The following SNRNP200 variants were observed in gnomAD, a reference collection of about 807,000 sequenced individuals.
SNRNP200 encodes the protein U5 small nuclear ribonucleoprotein 200 kDa helicase.
A neutral mutation model predicts 255.2 loss-of-function variants in SNRNP200; 66 were observed. That is an observed-to-expected ratio of 0.26 (90% CI 0.21 to 0.32). The LOEUF (loss-of-function observed/expected upper bound fraction) is 0.32. SNRNP200 is among the 10% of genes least tolerant of loss of function. SNRNP200 has a pLI of 1.00. For synonymous variants in SNRNP200, 939 were observed against 1,027.8 expected (o/e 0.91, Z 1.65); for missense variants, 1,585 against 2,749.8 (o/e 0.58, Z 9.47).
At chr2:96,281,287 T>C (rs2104336523) in intron 35 of SNRNP200, 1 of 168,066 alleles carries the variant, frequency 6.0e-6, no homozygotes, top group Non-Finnish European at 1.3e-5. Flanking sequence ...CTGCCTCAGC[T>C]TCCCAAGTAG....
rs1050912013 is a variant in SNRNP200, at chr2:96,288,810, C to G, written c.3175-64G>C. On this transcript the variant is annotated intron_variant, in intron 23 of 44. Coordinates refer to ENST00000323853, the MANE Select transcript of SNRNP200 (RefSeq NM_014014.5). Reference sequence around the variant, plus strand: ...CTGAACAGTCCAAGAAAGGGAATTACATTTCTGCTCTGAGCATCCAGGCCA... The same window carrying G: ...CTGAACAGTCCAAGAAAGGGAATTAGATTTCTGCTCTGAGCATCCAGGCCA... 9.3e-6 allele frequency: 13 copies of G among 1,402,838 alleles called. No individual in the cohort carries two copies. The Middle Eastern group carries it at 5.2e-4, about 57-fold the overall frequency. The allele number at this position is 1,402,838 out of a possible 1,614,324, so 86.9% of individuals were successfully genotyped here.
intron 14 of SNRNP200, among the ~76,000 whole-genome samples, chr2:96,295,046 T>C (rs1377176241): frequency 1.3e-5 from 2 of 151,966 alleles, no homozygotes; most frequent in African/African-American, 4.8e-5. Flanking sequence ...CAGTCTCTAC[T>C]AAAAATATAA....
At position 96,286,116 on chromosome 2, in the gene SNRNP200, C is replaced by G. The variant is rs138108446; in HGVS notation, c.4003+195G>C. The stretch of plus-strand genomic sequence containing the variant: ...AAGGCCTTGCTCTATTGCCCCTCCA[C>G]AGTGACACATGCAGAGCAGCAAAGC... On this transcript the variant is annotated intron_variant, in intron 29 of 44. Transcript: ENST00000323853. This position sits in a 1 kb window ranked among gnomAD's most constrained non-coding sequence, Gnocchi z 4.8. Among the ~76,000 whole-genome samples, 68 of 152,334 alleles carry G rather than the reference C, an allele frequency of 4.5e-4. No homozygotes were observed. Among genetic ancestry groups the G allele is most frequent in the Non-Finnish European group, 7.1e-4 (48 of 68,032 alleles).
chr2:96,285,275 T>C lies in SNRNP200; in HGVS notation c.4069A>G (p.Thr1357Ala), dbSNP rs780669466. 1 of 1,614,118 alleles carries C rather than the reference T, an allele frequency of 6.2e-7. No homozygotes were observed. The highest frequency in any genetic ancestry group is 8.5e-7 in the Non-Finnish European group (1 of 1,180,030). Reference protein sequence around the residue: ...FVGAPTGSGKTICAEFAILRM... With the variant: ...FVGAPTGSGKAICAEFAILRM... The stretch of plus-strand genomic sequence containing the variant: ...AGGATGGCAAACTCTGCACAAATAG[T>C]CTTCCCGCTGCCCGTGGGGGCCCCC... The change falls in exon 30 of 45, where the codon ACT becomes GCT. Residue 1357 changes from threonine to alanine, a missense_variant. Transcript: ENST00000323853.
Position 96,304,686 on chromosome 2 carries a change from G to C in SNRNP200, c.209+19C>G. 1.9e-6 allele frequency: 3 copies of C among 1,613,948 alleles called. No individual in the cohort carries two copies. The highest frequency in any genetic ancestry group is 2.5e-6 in the Non-Finnish European group (3 of 1,179,820). On this transcript the variant is annotated intron_variant, in intron 2 of 44. Coordinates refer to ENST00000323853, the MANE Select transcript of SNRNP200 (RefSeq NM_014014.5). ...GACTTTGGATCTGAAGGAAAAAATA[G>C]TATCCCCTTGGCACTCACTTGGCTC...
At position 96,284,013 on chromosome 2, in the gene SNRNP200, A is replaced by C. The variant is rs1414852773; in HGVS notation, c.4393-9T>G. On this transcript the variant is annotated splice_polypyrimidine_tract_variant and intron_variant, in intron 31 of 44. Transcript: ENST00000323853. The stretch of plus-strand genomic sequence containing the variant: ...ATCACTTCTAAGACAGGCTGGAAAG[A>C]GGGAGGGAGGGAGGGTCACTGCAGG... 3.6e-6 allele frequency: 2 copies of C among 555,394 alleles called. No individual in the cohort carries two copies. Among genetic ancestry groups the C allele is most frequent in the South Asian group, 1.5e-5 (1 of 66,482 alleles). The allele number at this position is 555,394 out of a possible 1,614,324, so 34.4% of individuals were successfully genotyped here. A position where few individuals can be genotyped will look rare whatever the true frequency, so the allele number is the denominator to read the frequency against.
At chr2:96,288,790 C>T (rs766669015) in intron 23 of SNRNP200, 44 bp from the exon 24 acceptor site, 14 of 1,522,850 alleles carry the variant, frequency 9.2e-6, no homozygotes, top group East Asian at 9.0e-5. Flanking sequence ...AATCACTGAA[C>T]AGTCCAAGAA....
intron 3 of SNRNP200, among the ~76,000 whole-genome samples, chr2:96,302,735 T>C (rs7425813): frequency 1.3e-5 from 2 of 152,210 alleles, no homozygotes; most frequent in Admixed American, 1.3e-4. Context: ...AATCCCCTTT[T>C]GGGGTTCAAC....
At chr2:96,303,832 G>A (rs986525456) in intron 2 of SNRNP200, among the ~76,000 whole-genome samples, 5 of 150,748 alleles carry the variant, frequency 3.3e-5, no homozygotes, top group African/African-American at 4.9e-5. Context: ...GGAGGTTGCC[G>A]TGAGAGAGAT....
Position 96,288,743 on chromosome 2 carries a change from T to C in SNRNP200, c.3178A>G (p.Asn1060Asp). Reference sequence around the variant, plus strand: ...GAGATGAAGGCTTGCAGAAGAACGTTGATCTGTAAAGAAGCAAAATCAGCC... The same window carrying C: ...GAGATGAAGGCTTGCAGAAGAACGTCGATCTGTAAAGAAGCAAAATCAGCC... Reference protein sequence around the residue: ...ESIEEPSAKINVLLQAFISQL... With the variant: ...ESIEEPSAKIDVLLQAFISQL... Residue 1060 changes from asparagine (N) to aspartate (D), a missense_variant, in exon 24 of 45, where the codon AAC becomes GAC. Physicochemically the swap from Asn to Asp is conservative, Grantham distance 23. Around this residue, in one of 9 missense-constraint regions of SNRNP200, gnomAD observed 719 missense variants for 1,091.1 expected, o/e 0.66. Coordinates refer to ENST00000323853, the MANE Select transcript of SNRNP200 (RefSeq NM_014014.5). The C allele has an allele frequency of 6.2e-7, 1 of 1,614,056 alleles. No individual in the cohort carries two copies. Among genetic ancestry groups the C allele is most frequent in the Non-Finnish European group, 8.5e-7 (1 of 1,179,980 alleles).
chr2:96,291,695 T>C lies in SNRNP200; in HGVS notation c.2310+56A>G. 6.3e-7 allele frequency: 1 copy of C among 1,599,046 alleles called. No homozygotes were observed. Among genetic ancestry groups the C allele is most frequent in the Non-Finnish European group, 8.6e-7 (1 of 1,167,758 alleles). On this transcript the variant is annotated intron_variant, in intron 17 of 44. Coordinates refer to ENST00000323853, the MANE Select transcript of SNRNP200 (RefSeq NM_014014.5). This position sits in a 1 kb window ranked among gnomAD's most constrained non-coding sequence, Gnocchi z 4.2. ...AGTCCTAGAGGAGCTGTCTGGGGCC[T>C]GAGATGGACACAGCTGCCAGGTAGG... is the stretch of plus-strand genomic sequence containing the variant.
Position 96,286,517 on chromosome 2 carries a change from C to T in SNRNP200, c.3830-33G>A, listed in dbSNP as rs1309322119. 1 of 1,612,542 alleles carries T rather than the reference C, an allele frequency of 6.2e-7. No homozygotes were observed. Among genetic ancestry groups the T allele is most frequent in the African/African-American group, 1.3e-5 (1 of 74,886 alleles). ...AAAAGAAACAGGAAGGATATAAGCA[C>T]TGCTCTCTTTCCCTCACTGGCCTCT... On this transcript the variant is annotated intron_variant, in intron 28 of 44. Transcript: ENST00000323853. This position sits in a 1 kb window ranked among gnomAD's most constrained non-coding sequence, Gnocchi z 4.8.
chr2:96,284,211 A>T (rs1350966525), intron 31 of SNRNP200, 147 bp downstream of exon 31: 1 of 890,646 alleles, frequency 1.1e-6, no homozygotes. Flanking sequence ...CAAAAAAGTT[A>T]ACATTGTCCC....
Position 96,291,271 on chromosome 2 carries a change from G to C in SNRNP200, c.2421+121C>G. The C allele has an allele frequency of 1.3e-6, 1 of 775,310 alleles. No individual in the cohort carries two copies. 48.0% of individuals were successfully genotyped at this position (775,310 alleles called of 1,614,324 possible). A position where few individuals can be genotyped will look rare whatever the true frequency, so the allele number is the denominator to read the frequency against. ...TTTATTGTGTCCACCACAACCCTCTGACCTGGGCTAGCTGGGCCAGAAGCA... is the reference window on the plus strand; with the variant it reads ...TTTATTGTGTCCACCACAACCCTCTCACCTGGGCTAGCTGGGCCAGAAGCA... On this transcript the variant is annotated intron_variant, in intron 18 of 44. Coordinates refer to ENST00000323853, the MANE Select transcript of SNRNP200 (RefSeq NM_014014.5). The surrounding 1 kb of genome is among the most constrained non-coding windows in gnomAD (Gnocchi z 4.2).
chr2:96,285,140 G>C lies in SNRNP200; in HGVS notation c.4164+40C>G, dbSNP rs778495021. On this transcript the variant is annotated intron_variant, in intron 30 of 44. Transcript: ENST00000323853. Reference sequence around the variant, plus strand: ...CTTCATACGGAATCACAGATGAAATGCTTCTTGGGAAATTCACATGACACA... The same window carrying C: ...CTTCATACGGAATCACAGATGAAATCCTTCTTGGGAAATTCACATGACACA... 12 of 1,609,194 alleles carry C rather than the reference G, an allele frequency of 7.5e-6. No individual in the cohort carries two copies. In the Admixed American group the frequency reaches 1.8e-4, roughly 25 times the overall value.
intron 14 of SNRNP200, among the ~76,000 whole-genome samples, chr2:96,294,900 T>C (rs1231954045): frequency 1.3e-5 from 2 of 152,058 alleles, no homozygotes; most frequent in Non-Finnish European, 2.9e-5. Flanking sequence ...ATTTCAGACA[T>C]AAAAAAATAT....
chr2:96,301,005 T>C lies in SNRNP200; in HGVS notation c.623A>G (p.Asp208Gly). 1 of 1,613,734 alleles carries C rather than the reference T, an allele frequency of 6.2e-7. No individual in the cohort carries two copies. The change falls in exon 5 of 45, where the codon GAT becomes GGT. Residue 208 changes from aspartate (D) to glycine (G), a missense_variant. By Grantham distance (94) the Asp-to-Gly change is moderately conservative. Coordinates refer to ENST00000323853, the MANE Select transcript of SNRNP200 (RefSeq NM_014014.5). The stretch of plus-strand genomic sequence containing the variant: ...GGTATGTTTATCACTCACCTCCTCA[T>C]CAGACTCAAACTGCACATTCACACC... ...TYGVNVQFESDEEEGDEDVYG... is the reference protein window; with the variant it reads ...TYGVNVQFESGEEEGDEDVYG...
chr2:96,291,908 G>C lies in SNRNP200; in HGVS notation c.2161-8C>G. ...GTGGACAAACACCAGCACCTAAGGAGAAGCCACAGTTTGCTACAGTCACGA... is the reference window on the plus strand; with the variant it reads ...GTGGACAAACACCAGCACCTAAGGACAAGCCACAGTTTGCTACAGTCACGA... On this transcript the variant is annotated splice_region_variant and splice_polypyrimidine_tract_variant and intron_variant, in intron 16 of 44. Transcript: ENST00000323853. This position sits in a 1 kb window ranked among gnomAD's most constrained non-coding sequence, Gnocchi z 4.2. The C allele has an allele frequency of 1.2e-6, 2 of 1,613,780 alleles. No individual in the cohort carries two copies. The highest frequency in any genetic ancestry group is 1.7e-6 in the Non-Finnish European group (2 of 1,180,032).
rs139172908 is a variant in SNRNP200, at chr2:96,304,863, C to A, written c.51G>T (p.Ser17=). 37 of 1,614,042 alleles carry A rather than the reference C, an allele frequency of 2.3e-5. No individual in the cohort carries two copies. The African/African-American group carries it at 3.7e-4, about 16-fold the overall frequency. Residue 17 remains serine, a synonymous_variant, in exon 2 of 45, where the codon TCG becomes TCT. Coordinates refer to ENST00000323853, the MANE Select transcript of SNRNP200 (RefSeq NM_014014.5). ...AACGGTCAGCTTGGAGCACAAGATT[C>A]GAGTTCTGAAAAGATCAAAACATTA... ...RSLQYEYKAN[S]NLVLQADRSL...
Sources: gnomAD v4.1 joint callset for allele counts (sites outside exome capture counted in the v4.1 genomes callset) on GRCh38, gnomAD v4.1.1 for gene constraint, gnomAD v4.1.1 regional missense constraint, Gnocchi (gnomAD v3.1) non-coding constraint, MANE v1.5 for transcripts, NCBI Gene and HGNC (gene_info 2026-07-23, HGNC 2026-07-21) for gene names.